ING4: variants seen among roughly 807,000 people sequenced by gnomAD.
The protein encoded by ING4 is inhibitor of growth protein 4.
Under a neutral mutation model 33.1 loss-of-function variants are expected in ING4, and 28 were observed. The observed-to-expected ratio is 0.85, with a 90% CI of 0.63 to 1.16. ING4 has a LOEUF of 1.16. Ranked by LOEUF, ING4 falls within the 50% of genes most tolerant of loss-of-function variation. The pLI, the probability that ING4 is intolerant of heterozygous loss-of-function variation, is 0.00. For missense variants in ING4, 247 were observed against 314.7 expected, an observed-to-expected ratio of 0.78 and a Z score of 1.63; for synonymous variants, 87 against 104.4, an observed-to-expected ratio of 0.83 and a Z score of 1.02.
At chr12:6,654,334 T>TG (rs1440719428) in intron 2 of ING4, among the ~76,000 whole-genome samples, 1 of 149,772 alleles carries the variant, frequency 6.7e-6, no homozygotes, top group East Asian at 1.9e-4. Context: ...TATTTTTCTT[T>TG]TTTTTTTTTT....
At chr12:6,660,511 G>C (rs1949513933) in intron 1 of ING4, among the ~76,000 whole-genome samples, 1 of 152,042 alleles carries the variant, frequency 6.6e-6, no homozygotes, top group African/African-American at 2.4e-5. Flanking sequence ...AAGAGGCTGA[G>C]GCAGGAGAAT....
In ING4 at chr12:6,650,361, G is replaced by C. The variant is rs1949143624; in HGVS notation, c.*834C>G. ...GAAAGATGTTTTATGGAGAAAAGAT[G>C]CATGATTTACAAAGTTTTGGAGACC... On this transcript the variant is annotated 3_prime_UTR_variant, in exon 8 of 8. Coordinates refer to ENST00000341550, the MANE Select transcript of ING4 (RefSeq NM_016162.4). The C allele has an allele frequency of 6.6e-6, 1 of 152,220 alleles. No homozygotes were observed. The highest frequency in any genetic ancestry group is 1.5e-5 in the Non-Finnish European group (1 of 68,048). The allele number at this position is 152,220 out of a possible 1,614,324, so 9.4% of individuals were successfully genotyped here.
chr12:6,652,511 A>C (rs923315263), intron 5 of ING4, 93 bp from the exon 6 acceptor site: 3 of 1,453,700 alleles, frequency 2.1e-6, no homozygotes, highest in Non-Finnish European at 2.9e-6. Context: ...GGTAGGGCAA[A>C]TGATTTGTGG....
rs558838969 is a variant in ING4 at position 6,651,391 on chromosome 12, A to G, written c.646-6T>C. 1 of 1,613,816 alleles carries G rather than the reference A, an allele frequency of 6.2e-7. No individual in the cohort carries two copies. Among genetic ancestry groups the G allele is most frequent in the African/African-American group, 1.3e-5 (1 of 75,040 alleles). On this transcript the variant is annotated splice_region_variant and splice_polypyrimidine_tract_variant and intron_variant, in intron 6 of 7. Transcript: ENST00000341550. ...TGGAACCACTCAATGGAACACTGGAAGAGGAAGAAAGAAGTAGTCAGGGGC... is the reference window on the plus strand; with the variant it reads ...TGGAACCACTCAATGGAACACTGGAGGAGGAAGAAAGAAGTAGTCAGGGGC...
chr12:6,653,842 A>G (rs1372489139), intron 2 of ING4, among the ~76,000 whole-genome samples: 1 of 152,168 alleles, frequency 6.6e-6, no homozygotes, highest in Non-Finnish European at 1.5e-5. Context: ...CTGTACATCA[A>G]TATCATACAT....
At chr12:6,654,864 A>C (rs11064306) in intron 2 of ING4, among the ~76,000 whole-genome samples, 38,578 of 151,808 alleles carry the variant, frequency 0.25, 5,587 homozygotes, top group Non-Finnish European at 0.34. Context: ...AGCTGGGACT[A>C]CAGGTGTGCG....
chr12:6,652,096 G>A (rs1367703099), intron 6 of ING4, among the ~76,000 whole-genome samples, 175 bp downstream of exon 6: 6 of 151,860 alleles, frequency 4.0e-5, no homozygotes, highest in South Asian at 4.2e-4. Flanking sequence ...CTGACCTCAC[G>A]TGATCTGCCC....
At chr12:6,652,626 G>T (rs779380349) in intron 5 of ING4, 36 bp downstream of exon 5, 1 of 1,575,696 alleles carries the variant, frequency 6.3e-7, no homozygotes, top group Non-Finnish European at 8.7e-7. Flanking sequence ...GAGAGAAGAG[G>T]ATGTCATCCG....
In ING4 at chr12:6,651,472, G is replaced by A. The variant is rs895672735; in HGVS notation, c.646-87C>T. The stretch of plus-strand genomic sequence containing the variant: ...CCTCCAGATTCCTTAGGAACATCCT[G>A]TCCTTTACTCCATCCTTTTGGAGAA... On this transcript the variant is annotated intron_variant, in intron 6 of 7. Transcript: ENST00000341550. 5 of 1,083,492 alleles carry A rather than the reference G, an allele frequency of 4.6e-6. No homozygotes were observed. The African/African-American group carries it at 6.3e-5, about 14-fold the overall frequency. The allele number at this position is 1,083,492 out of a possible 1,614,324, so 67.1% of individuals were successfully genotyped here.
At chr12:6,652,123 G>C in intron 6 of ING4, 148 bp downstream of exon 6, 2 of 999,158 alleles carry the variant, frequency 2.0e-6, no homozygotes. Context: ...GCCTCCCAAA[G>C]TGCTGGGATT....
At chr12:6,658,915 A>G (rs771849721) in intron 1 of ING4, among the ~76,000 whole-genome samples, 9 of 152,028 alleles carry the variant, frequency 5.9e-5, no homozygotes, top group Non-Finnish European at 1.0e-4. Flanking sequence ...TCCTCCTGCC[A>G]TTTGGCTTTC....
chr12:6,652,427 C>T lies in ING4; in HGVS notation c.498-9G>A. The T allele has an allele frequency of 6.2e-7, 1 of 1,612,994 alleles. No individual in the cohort carries two copies. Reference sequence around the variant, plus strand: ...TCCCATACTCAGGACTTCTGCATGCCAAGAGGAAGAGAAAGTGTCATCTAC... The same window carrying T: ...TCCCATACTCAGGACTTCTGCATGCTAAGAGGAAGAGAAAGTGTCATCTAC... On this transcript the variant is annotated splice_polypyrimidine_tract_variant and intron_variant, in intron 5 of 7. Coordinates refer to ENST00000341550, the MANE Select transcript of ING4 (RefSeq NM_016162.4).
At position 6,651,892 on chromosome 12, in the gene ING4, G is replaced by A. The variant is rs535951385; in HGVS notation, c.645+379C>T. ...TTTGAGACAGAGTCTTGCTCTTGTC[G>A]CCCAGGTTAGAGTGTGGTGGCGTGA... On this transcript the variant is annotated intron_variant, in intron 6 of 7. Transcript: ENST00000341550. Among the ~76,000 whole-genome samples, 4 of 132,006 alleles carry A rather than the reference G, an allele frequency of 3.0e-5. No individual in the cohort carries two copies. The South Asian group carries it at 7.2e-4, about 24-fold the overall frequency. The allele number at this position is 132,006 out of a possible 152,430, so 86.6% of individuals were successfully genotyped here.
intron 2 of ING4, among the ~76,000 whole-genome samples, chr12:6,654,100 T>C (rs1292528069): frequency 6.6e-6 from 1 of 151,868 alleles, no homozygotes. Flanking sequence ...CCTCCCAAAG[T>C]GCTGGGATTA....
chr12:6,658,105 G>C (rs952384223), intron 1 of ING4, among the ~76,000 whole-genome samples: 1 of 151,330 alleles, frequency 6.6e-6, no homozygotes, highest in African/African-American at 2.4e-5. Context: ...GACCACAGGC[G>C]CGCGCCACCA....
chr12:6,657,005 T>C (rs1949375706), intron 1 of ING4, among the ~76,000 whole-genome samples: 2 of 151,932 alleles, frequency 1.3e-5, no homozygotes, highest in Admixed American at 6.6e-5. Flanking sequence ...AATATGAAAA[T>C]TAGCCTAGTG....
At chr12:6,662,642 C>A (rs1217581121) in intron 1 of ING4, among the ~76,000 whole-genome samples, 1 of 152,152 alleles carries the variant, frequency 6.6e-6, no homozygotes, top group East Asian at 1.9e-4. Context: ...TCACTCATCA[C>A]CACCACTCTC....
intron 2 of ING4, among the ~76,000 whole-genome samples, chr12:6,655,193 G>A (rs1311224912): frequency 2.0e-5 from 3 of 152,166 alleles, no homozygotes; most frequent in Admixed American, 6.5e-5. Flanking sequence ...ACTGGCATGC[G>A]CCACCACACC....
In ING4 at chr12:6,650,968, G is replaced by A. The variant is rs1949160692; in HGVS notation, c.*227C>T. ...GTGGGCAAGACCACGTCCCTCCGAAGGGAGAGGGCTGAAGGAGAGCACATA... is the reference window on the plus strand; with the variant it reads ...GTGGGCAAGACCACGTCCCTCCGAAAGGAGAGGGCTGAAGGAGAGCACATA... On this transcript the variant is annotated 3_prime_UTR_variant, in exon 8 of 8. Coordinates refer to ENST00000341550, the MANE Select transcript of ING4 (RefSeq NM_016162.4). 1.7e-6 allele frequency: 1 copy of A among 596,616 alleles called. No homozygotes were observed. Among genetic ancestry groups the A allele is most frequent in the African/African-American group, 1.9e-5 (1 of 53,760 alleles). The allele number at this position is 596,616 out of a possible 1,614,324, so 37.0% of individuals were successfully genotyped here.
Sources: gnomAD v4.1 joint callset for allele counts (sites outside exome capture counted in the v4.1 genomes callset) on GRCh38, gnomAD v4.1.1 for gene constraint, MANE v1.5 for transcripts, NCBI Gene and HGNC (gene_info 2026-07-23, HGNC 2026-07-21) for gene names.